Variants in RBPJ observed in about 807,000 individuals in gnomAD.
RBPJ encodes recombining binding protein suppressor of hairless.
Under a neutral mutation model 67.8 loss-of-function variants are expected in RBPJ, and 9 were observed. That is an observed-to-expected ratio of 0.13 (90% CI 0.08 to 0.23). RBPJ has a LOEUF of 0.23. Ranked by LOEUF, RBPJ falls within the 10% of genes least tolerant of loss-of-function variation. RBPJ has a pLI of 1.00. For missense variants in RBPJ, 305 were observed against 595.6 expected, an observed-to-expected ratio of 0.51 and a Z score of 5.08; for synonymous variants, 198 against 203.3, an observed-to-expected ratio of 0.97 and a Z score of 0.22.
intron 1 of RBPJ, among the ~76,000 whole-genome samples, chr4:26,190,653 C>A (rs1463661772): frequency 6.6e-6 from 1 of 152,108 alleles, no homozygotes; most frequent in African/African-American, 2.4e-5. Flanking sequence ...CAGTCTTCAG[C>A]GAGTTTGAAG....
At position 26,195,370 on chromosome 4, in the gene RBPJ, C is replaced by G. The variant is rs1717718239; in HGVS notation, c.-167+31756C>G. On this transcript the variant is annotated intron_variant, in intron 1 of 4. Transcript: ENST00000512351. ...GAATGGATAAATGAAATGTTCTGTA[C>G]AGCAGAACATTATTCAGTAAGAAAA... Among the ~76,000 whole-genome samples the G allele has an allele frequency of 2.0e-5, 3 of 152,066 alleles. No individual in the cohort carries two copies. In the South Asian group the frequency reaches 6.2e-4, roughly 32 times the overall value.
chr4:26,232,446 T>C (rs940353632), intron 1 of RBPJ, among the ~76,000 whole-genome samples: 2 of 150,948 alleles, frequency 1.3e-5, no homozygotes, highest in African/African-American at 2.5e-5. Flanking sequence ...CTCAAATTCC[T>C]GGCCTCAAGC....
intron 1 of RBPJ, among the ~76,000 whole-genome samples, chr4:26,220,255 T>G (rs1285255670): frequency 6.6e-6 from 1 of 152,222 alleles, no homozygotes; most frequent in Non-Finnish European, 1.5e-5. Flanking sequence ...TAGAAATTTA[T>G]ATTGTACCTG....
In RBPJ at chr4:26,284,055, C is replaced by A. The variant is rs559400854; in HGVS notation, c.-166-78391C>A. Among the ~76,000 whole-genome samples the A allele has an allele frequency of 1.1e-4, 17 of 152,212 alleles. No individual in the cohort carries two copies. The East Asian group carries it at 3.1e-3, about 28-fold the overall frequency. On this transcript the variant is annotated intron_variant, in intron 1 of 4. Transcript: ENST00000512351. ...CAAGTTTCCATTTTCTTACAATATCCAAAATACACGATTAAATATGGTAGT... is the reference window on the plus strand; with the variant it reads ...CAAGTTTCCATTTTCTTACAATATCAAAAATACACGATTAAATATGGTAGT...
chr4:26,394,114 C>CT (rs1465824767), intron 2 of RBPJ, among the ~76,000 whole-genome samples: 1 of 151,070 alleles, frequency 6.6e-6, no homozygotes, highest in Admixed American at 6.6e-5. Flanking sequence ...GCAAGCTCGG[C>CT]TTCCCGGGTT....
Position 26,430,133 on chromosome 4 carries a change from G to T in RBPJ, c.1044+80G>T. 1 of 1,490,548 alleles carries T rather than the reference G, an allele frequency of 6.7e-7. No individual in the cohort carries two copies. 92.3% of individuals were successfully genotyped at this position (1,490,548 alleles called of 1,614,324 possible). A position where few individuals can be genotyped will look rare whatever the true frequency, so the allele number is the denominator to read the frequency against. ...TGACCTGGCATCATTTCATTTCATG[G>T]GAGTTTTGATTTTTCTCCAATCGTC... On this transcript the variant is annotated intron_variant, in intron 9 of 10. Transcript: ENST00000355476. The surrounding 1 kb of genome is among the most constrained non-coding windows in gnomAD (Gnocchi z 4.1).
At chr4:26,321,476 C>A (rs989744720) in intron 1 of RBPJ, 1 of 152,146 alleles carries the variant, frequency 6.6e-6, no homozygotes, top group African/African-American at 2.4e-5. Context: ...ACTCTCTACC[C>A]CCGGCCCTTT....
chr4:26,213,086 T>G lies in RBPJ; in HGVS notation c.-167+49472T>G, dbSNP rs28649707. ...ATGTCCTTTATAATAAACTAGTAAA[T>G]ATAAGTGTTTCCTTGAGTTCTGTGA... On this transcript the variant is annotated intron_variant, in intron 1 of 4. Transcript: ENST00000512351. 6.8e-3 allele frequency among the ~76,000 whole-genome samples: 1,039 copies of G among 152,308 alleles called. 11 individuals carry two copies. The highest frequency in any genetic ancestry group is 0.023 in the African/African-American group (971 of 41,570).
chr4:26,306,302 A>G (rs1722236787), intron 1 of RBPJ, among the ~76,000 whole-genome samples: 1 of 152,084 alleles, frequency 6.6e-6, no homozygotes, highest in Non-Finnish European at 1.5e-5. Context: ...CAGGTTTCCT[A>G]TGGATGACTT....
the RBPJ span, among the ~76,000 whole-genome samples, chr4:26,110,054 A>T: frequency 6.6e-6 from 1 of 152,164 alleles, no homozygotes; most frequent in African/African-American, 2.4e-5. This position sits in a 1 kb window ranked among gnomAD's most constrained non-coding sequence, Gnocchi z 4.5. Context: ...TAATAACCAA[A>T]TAATCAAAAC....
intron 3 of RBPJ, among the ~76,000 whole-genome samples, chr4:26,411,731 CA>C (rs1389152776): frequency 6.6e-6 from 1 of 152,028 alleles, no homozygotes; most frequent in African/African-American, 2.4e-5. Flanking sequence ...TGCATTTTGT[CA>C]CAGTACTTTT....
chr4:26,297,793 G>A (rs759943635), intron 1 of RBPJ, among the ~76,000 whole-genome samples: 24 of 151,548 alleles, frequency 1.6e-4, no homozygotes, highest in Middle Eastern at 6.8e-3. Flanking sequence ...TGTTTAATGA[G>A]CAGCAGCTTC....
the RBPJ span, among the ~76,000 whole-genome samples, chr4:26,148,080 A>G: frequency 6.6e-6 from 1 of 152,352 alleles, no homozygotes; most frequent in African/African-American, 2.4e-5. Context: ...GGTAGAGGAC[A>G]TGGAAAGAAG....
chr4:26,288,607 A>C (rs1721558036), intron 1 of RBPJ, among the ~76,000 whole-genome samples: 1 of 152,238 alleles, frequency 6.6e-6, no homozygotes, highest in South Asian at 2.1e-4. Flanking sequence ...TCTTGAAAGG[A>C]GTATCAAAGA....
intron 1 of RBPJ, among the ~76,000 whole-genome samples, chr4:26,191,210 T>TATAGAGAGAGAG (rs1364457297): frequency 7.5e-5 from 2 of 26,844 alleles, no homozygotes; most frequent in Non-Finnish European, 1.2e-4. Flanking sequence ...TATATATATA[T>TATAGAGAGAGAG]AGAGAGAGAG....
In RBPJ at chr4:26,215,229, AAG is replaced by A. The variant is rs1159398461; in HGVS notation, c.-167+51621_-167+51622del. Among the ~76,000 whole-genome samples, 2 of 14,686 alleles carry A rather than the reference AAG, an allele frequency of 1.4e-4. 1 individual carries two copies. The highest frequency in any genetic ancestry group is 2.4e-4 in the Non-Finnish European group (2 of 8,460). The allele number at this position is 14,686 out of a possible 152,430, so 9.6% of individuals were successfully genotyped here. ...GAGAAAGAAAGAGAAAAAGAGAGAA[AAG>A]AGAGAAAGAAAGAAAGTAAGAAAGA... On this transcript the variant is annotated intron_variant, in intron 1 of 4. Coordinates refer to the RBPJ transcript ENST00000512351.
intron 1 of RBPJ, among the ~76,000 whole-genome samples, chr4:26,379,469 C>T (rs1007336913): frequency 3.3e-5 from 5 of 152,116 alleles, no homozygotes; most frequent in African/African-American, 1.2e-4. Context: ...AGGAAACTTA[C>T]AAGCATGACA....
At chr4:26,297,274 G>C (rs1010250410) in intron 1 of RBPJ, among the ~76,000 whole-genome samples, 1 of 152,030 alleles carries the variant, frequency 6.6e-6, no homozygotes, top group Non-Finnish European at 1.5e-5. Flanking sequence ...CAGCACTCTA[G>C]CCGGGGTGAC....
chr4:26,400,977 A>G (rs1008669838), intron 2 of RBPJ, among the ~76,000 whole-genome samples: 14 of 152,270 alleles, frequency 9.2e-5, no homozygotes, highest in African/African-American at 3.4e-4. Context: ...ATTGGGTAAC[A>G]TGCCTGATCA....
Sources: allele counts gnomAD v4.1 joint callset (sites outside exome capture counted in the v4.1 genomes callset), GRCh38; gene constraint gnomAD v4.1.1; non-coding constraint Gnocchi (gnomAD v3.1); transcripts MANE v1.5; gene names NCBI Gene and HGNC (gene_info 2026-07-23, HGNC 2026-07-21).